The following GABRG1 variants were observed in gnomAD, a reference collection of about 807,000 sequenced individuals.
GABRG1 encodes the protein gamma-aminobutyric acid type A receptor subunit gamma1.
Under a neutral mutation model 49.8 loss-of-function variants are expected in GABRG1, and 49 were observed. That is an observed-to-expected ratio of 0.98 (90% CI 0.78 to 1.25). The LOEUF (loss-of-function observed/expected upper bound fraction) is 1.25. GABRG1 is among the 50% of genes most tolerant of loss of function. The pLI, the probability that GABRG1 is intolerant of heterozygous loss-of-function variation, is 0.00. For synonymous variants in GABRG1, 232 were observed against 185.1 expected, an observed-to-expected ratio of 1.25 and a Z score of -2.06; for missense variants, 552 against 552.3, an observed-to-expected ratio of 1.00 and a Z score of 0.01.
intron 5 of GABRG1, among the ~76,000 whole-genome samples, chr4:46,063,318 G>C (rs1176709707): frequency 1.3e-5 from 2 of 151,896 alleles, no homozygotes; most frequent in Non-Finnish European, 2.9e-5. Flanking sequence ...TACCAAAACA[G>C]AGATATAGAT....
chr4:46,100,110 A>C (rs2109433074), intron 1 of GABRG1, among the ~76,000 whole-genome samples: 1 of 151,920 alleles, frequency 6.6e-6, no homozygotes, highest in South Asian at 2.1e-4. Flanking sequence ...TACAGTAATT[A>C]TTTTGCTCTA....
At chr4:46,062,646 A>C (rs1718744975) in intron 5 of GABRG1, among the ~76,000 whole-genome samples, 1 of 152,086 alleles carries the variant, frequency 6.6e-6, no homozygotes, top group African/African-American at 2.4e-5. Flanking sequence ...GCATTTTTTC[A>C]TGTGTCTTTT....
intron 2 of GABRG1, among the ~76,000 whole-genome samples, chr4:46,088,815 T>TTGTGTG (rs3069486): frequency 0.014 from 1,895 of 131,668 alleles, 43 homozygotes; most frequent in African/African-American, 0.046. Context: ...TTGTGTGTGT[T>TTGTGTG]TGTGTGTGTG....
chr4:46,051,394 A>G (rs1211823551), intron 8 of GABRG1, 30 bp downstream of exon 8: 1 of 1,502,396 alleles, frequency 6.7e-7, no homozygotes, highest in East Asian at 2.3e-5. Context: ...GTTGAGGTTT[A>G]TAAAATAGAA....
intron 2 of GABRG1, among the ~76,000 whole-genome samples, chr4:46,090,900 A>G (rs1003331940): frequency 2.7e-5 from 4 of 150,672 alleles, no homozygotes. Context: ...CTTCGAATTA[A>G]GGGCTATCAG....
intron 3 of GABRG1, among the ~76,000 whole-genome samples, chr4:46,070,356 C>T (rs1199956442): frequency 6.6e-6 from 1 of 151,762 alleles, no homozygotes; most frequent in Non-Finnish European, 1.5e-5. Context: ...AAATATCAAA[C>T]ATTATATTCA....
chr4:46,063,091 G>T (rs1002638069), intron 5 of GABRG1, among the ~76,000 whole-genome samples: 1 of 151,196 alleles, frequency 6.6e-6, no homozygotes, highest in Non-Finnish European at 1.5e-5. Flanking sequence ...TGGCCATCCT[G>T]CCCAAGGTAA....
At chr4:46,077,731 T>A (rs73144840) in intron 3 of GABRG1, among the ~76,000 whole-genome samples, 1 of 151,764 alleles carries the variant, frequency 6.6e-6, no homozygotes, top group African/African-American at 2.4e-5. Flanking sequence ...TTCTGATATC[T>A]TTTTTTAACA....
At chr4:46,075,856 GA>G (rs1719306473) in intron 3 of GABRG1, among the ~76,000 whole-genome samples, 3 of 151,992 alleles carry the variant, frequency 2.0e-5, no homozygotes, top group African/African-American at 7.2e-5. Context: ...CTCAGATAAA[GA>G]AAGATAAATA....
In GABRG1 at chr4:46,058,540, A is replaced by T; in HGVS notation, c.708T>A (p.Tyr236Ter). Residue 236 changes from tyrosine (Y) to a stop codon, truncating the protein, a stop_gained, in exon 6 of 9, where the codon TAT becomes TAA. Coordinates refer to ENST00000295452, the MANE Select transcript of GABRG1 (RefSeq NM_173536.4). LOFTEE classifies it high-confidence loss of function. Reference sequence around the variant, plus strand: ...TCCGTAACCCTACAAATGCAAACTGATATAATCTCCAGTATTTAGGATCAG... The same window carrying T: ...TCCGTAACCCTACAAATGCAAACTGTTATAATCTCCAGTATTTAGGATCAG... The part of the protein sequence containing the change: ...EVADPKYWRL[Y>*]QFAFVGLRNS... 1.9e-6 allele frequency: 3 copies of T among 1,613,340 alleles called. No individual in the cohort carries two copies. Among genetic ancestry groups the T allele is most frequent in the Non-Finnish European group, 2.5e-6 (3 of 1,179,546 alleles).
chr4:46,058,317 A>G lies in GABRG1; in HGVS notation c.816T>C (p.Tyr272=), dbSNP rs1399492078. 6.2e-7 allele frequency: 1 copy of G among 1,613,390 alleles called. No individual in the cohort carries two copies. The highest frequency in any genetic ancestry group is 1.1e-5 in the South Asian group (1 of 91,018). ...ATGGAATGTAGGTCTGAATAGTGAA[A>G]TATCCCATTCTTCTGCTCAGGTCAA... is the stretch of plus-strand genomic sequence containing the variant. The part of the protein sequence containing the change: ...IFFDLSRRMG[Y]FTIQTYIPCI... The change falls in exon 7 of 9, where the codon TAT becomes TAC. Residue 272 remains tyrosine, a synonymous_variant. Coordinates refer to ENST00000295452, the MANE Select transcript of GABRG1 (RefSeq NM_173536.4).
At chr4:46,065,057 T>C (rs1336176405) in intron 4 of GABRG1, among the ~76,000 whole-genome samples, 1 of 152,170 alleles carries the variant, frequency 6.6e-6, no homozygotes, top group Non-Finnish European at 1.5e-5. Context: ...GGTGGGTTTC[T>C]AGAGGAAATC....
intron 5 of GABRG1, among the ~76,000 whole-genome samples, chr4:46,059,840 G>A (rs553175402): frequency 2.6e-4 from 40 of 152,128 alleles, no homozygotes; most frequent in African/African-American, 9.4e-4. Flanking sequence ...ACATTCTCCT[G>A]ATTAATAATA....
At chr4:46,098,077 A>G (rs1263842886) in intron 1 of GABRG1, among the ~76,000 whole-genome samples, 2 of 151,778 alleles carry the variant, frequency 1.3e-5, no homozygotes, top group African/African-American at 2.4e-5. Flanking sequence ...ACCAAGGACC[A>G]CAGAAAAATA....
intron 2 of GABRG1, among the ~76,000 whole-genome samples, chr4:46,092,848 G>A (rs1720036139): frequency 6.7e-6 from 1 of 148,154 alleles, no homozygotes; most frequent in Non-Finnish European, 1.5e-5. Flanking sequence ...GGTCACCTGA[G>A]GTCAGGAGTT....
Position 46,077,099 on chromosome 4 carries a change from A to G in GABRG1, c.321+6887T>C, listed in dbSNP as rs186064139. Among the ~76,000 whole-genome samples, 405 of 145,238 alleles carry G rather than the reference A, an allele frequency of 2.8e-3. 7 individuals carry two copies. The highest frequency in any genetic ancestry group is 0.024 in the Admixed American group (349 of 14,394). ...CGTTAAATGTTGCATATTATTTACA[A>G]TGAGAACACATGGACACAGGAAGGG... On this transcript the variant is annotated intron_variant, in intron 3 of 8. Transcript: ENST00000295452.
chr4:46,097,946 A>G (rs1577662885), intron 1 of GABRG1, among the ~76,000 whole-genome samples: 2 of 151,754 alleles, frequency 1.3e-5, no homozygotes, highest in African/African-American at 2.4e-5. Flanking sequence ...ATAATCATCA[A>G]ATTATCAATA....
At position 46,058,221 on chromosome 4, in the gene GABRG1, C is replaced by A. The variant is rs773691921; in HGVS notation, c.912G>T (p.Ser304=). Residue 304 remains serine (S), a synonymous_variant, in exon 7 of 9, where the codon TCG becomes TCT. Coordinates refer to ENST00000295452, the MANE Select transcript of GABRG1 (RefSeq NM_173536.4). ...GCATAATATTACATGTCATACCCAA[C>A]GATGTTCTTGCAGGCACTGCATCTT... ...INKDAVPART[S]LGITTVLTMT... 2 of 1,610,222 alleles carry A rather than the reference C, an allele frequency of 1.2e-6. No homozygotes were observed. The highest frequency in any genetic ancestry group is 1.7e-6 in the Non-Finnish European group (2 of 1,178,576).
chr4:46,046,089 T>C (rs1717987904), intron 8 of GABRG1, among the ~76,000 whole-genome samples: 1 of 152,118 alleles, frequency 6.6e-6, no homozygotes, highest in South Asian at 2.1e-4. Flanking sequence ...TAGAGAATTT[T>C]CTTTATTTGT....
Sources: gnomAD v4.1 joint callset for allele counts (sites outside exome capture counted in the v4.1 genomes callset) on GRCh38, gnomAD v4.1.1 for gene constraint, MANE v1.5 for transcripts, NCBI Gene and HGNC (gene_info 2026-07-23, HGNC 2026-07-21) for gene names.